The following LRBA variants were observed in gnomAD, a reference collection of about 807,000 sequenced individuals.
LRBA encodes the protein lipopolysaccharide-responsive and beige-like anchor protein.
In LRBA, 176 loss-of-function variants were observed where a neutral mutation model predicts 330.0. The ratio of observed to expected loss-of-function variants is 0.53; its 90% CI spans 0.47 to 0.60. LRBA has a LOEUF of 0.60. LRBA is among the 20% of genes least tolerant of loss of function. LRBA has a pLI of 0.00. For missense variants in LRBA, 3,259 were observed against 3,444.8 expected (o/e 0.95, Z 1.35); for synonymous variants, 1,230 against 1,193.0 (o/e 1.03, Z -0.64).
intron 36 of LRBA, among the ~76,000 whole-genome samples, chr4:150,722,825 C>T (rs1463119387): frequency 6.6e-6 from 1 of 152,024 alleles, no homozygotes; most frequent in Non-Finnish European, 1.5e-5. Flanking sequence ...GAGAGACAGA[C>T]TTGAATCACT....
intron 40 of LRBA, among the ~76,000 whole-genome samples, chr4:150,511,206 C>T (rs1365251608): frequency 6.6e-6 from 1 of 152,152 alleles, no homozygotes; most frequent in African/African-American, 2.4e-5. Context: ...TACCACCCCT[C>T]AACAGCTGTC....
At chr4:150,854,724 G>GA (rs1177055837) in intron 22 of LRBA, among the ~76,000 whole-genome samples, 1 of 152,260 alleles carries the variant, frequency 6.6e-6, no homozygotes, top group Non-Finnish European at 1.5e-5. Flanking sequence ...CATGTAAAAA[G>GA]AAAAGAGTTT....
intron 37 of LRBA, among the ~76,000 whole-genome samples, chr4:150,608,299 T>C (rs938114849): frequency 6.6e-6 from 1 of 152,178 alleles, no homozygotes; most frequent in African/African-American, 2.4e-5. Context: ...TGAGTGTTTA[T>C]TGTAAGCCTG....
intron 40 of LRBA, among the ~76,000 whole-genome samples, chr4:150,535,150 T>C (rs1764509932): frequency 6.6e-6 from 1 of 152,194 alleles, no homozygotes; most frequent in East Asian, 1.9e-4. Flanking sequence ...TTTTGTTTTT[T>C]AGAGATAGTG....
intron 48 of LRBA, among the ~76,000 whole-genome samples, chr4:150,335,526 A>ACG (rs1734598899): frequency 6.8e-6 from 1 of 146,532 alleles, no homozygotes; most frequent in African/African-American, 2.6e-5. Flanking sequence ...CGTATTATAT[A>ACG]TGTGTGTATA....
At chr4:150,861,052 T>C (rs1296054511) in intron 22 of LRBA, among the ~76,000 whole-genome samples, 1 of 152,158 alleles carries the variant, frequency 6.6e-6, no homozygotes, top group Non-Finnish European at 1.5e-5. Flanking sequence ...TGCAGACAAC[T>C]GTAACACAAT....
At chr4:150,590,254 C>T (rs1772640226) in intron 39 of LRBA, among the ~76,000 whole-genome samples, 1 of 151,740 alleles carries the variant, frequency 6.6e-6, no homozygotes, top group Admixed American at 6.6e-5. Context: ...TTGTGAAAAG[C>T]CATGGCATTC....
intron 40 of LRBA, among the ~76,000 whole-genome samples, chr4:150,500,890 A>G (rs1228140248): frequency 6.6e-6 from 1 of 152,228 alleles, no homozygotes; most frequent in African/African-American, 2.4e-5. Context: ...ATTTTTCCTA[A>G]TCAGAGGGAA....
At chr4:150,693,109 G>C (rs1052503787) in intron 36 of LRBA, among the ~76,000 whole-genome samples, 3 of 152,030 alleles carry the variant, frequency 2.0e-5, no homozygotes, top group African/African-American at 7.2e-5. Flanking sequence ...AGTAGAAAGA[G>C]GTAATGAACA....
intron 48 of LRBA, among the ~76,000 whole-genome samples, chr4:150,341,302 C>A (rs748294208): frequency 2.0e-5 from 3 of 152,098 alleles, no homozygotes; most frequent in Non-Finnish European, 4.4e-5. Flanking sequence ...GCTGGAACTA[C>A]AGGCGCATAC....
chr4:150,428,536 A>AGCAT (rs1204560083), intron 46 of LRBA, among the ~76,000 whole-genome samples: 2 of 152,078 alleles, frequency 1.3e-5, no homozygotes, highest in Non-Finnish European at 2.9e-5. Flanking sequence ...GGCTAGAATA[A>AGCAT]GCATACACTC....
chr4:150,729,236 C>T (rs557920180), intron 36 of LRBA, among the ~76,000 whole-genome samples: 22 of 152,082 alleles, frequency 1.4e-4, no homozygotes, highest in Non-Finnish European at 2.6e-4. Context: ...GCAGACTGAG[C>T]CCAGAAGCTC....
At chr4:150,280,357 C>T (rs929954289) in intron 55 of LRBA, among the ~76,000 whole-genome samples, 1 of 152,194 alleles carries the variant, frequency 6.6e-6, no homozygotes, top group Non-Finnish European at 1.5e-5. Flanking sequence ...GAGGTAGTAG[C>T]AGGCCACAGC....
intron 35 of LRBA, among the ~76,000 whole-genome samples, chr4:150,759,181 G>A (rs1734735332): frequency 6.6e-6 from 1 of 152,170 alleles, no homozygotes; most frequent in South Asian, 2.1e-4. Flanking sequence ...CTCCGAAAGT[G>A]CTGGGATTAC....
intron 37 of LRBA, among the ~76,000 whole-genome samples, chr4:150,681,040 TAA>T (rs1267774337): frequency 6.6e-6 from 1 of 152,194 alleles, no homozygotes; most frequent in Non-Finnish European, 1.5e-5. Context: ...ATGATTGAGT[TAA>T]AAGACAAAAT....
chr4:150,715,772 A>T (rs1728104961), intron 36 of LRBA, among the ~76,000 whole-genome samples: 1 of 152,228 alleles, frequency 6.6e-6, no homozygotes, highest in African/African-American at 2.4e-5. Flanking sequence ...AACAATTACT[A>T]ATAGAACCCA....
At chr4:150,745,718 G>A (rs1020583322) in intron 35 of LRBA, among the ~76,000 whole-genome samples, 1 of 152,032 alleles carries the variant, frequency 6.6e-6, no homozygotes. Context: ...ATTTCACTAT[G>A]TTGGCCAGGA....
chr4:150,989,627 T>A (rs745780864), intron 2 of LRBA, among the ~76,000 whole-genome samples: 3 of 151,876 alleles, frequency 2.0e-5, no homozygotes, highest in Non-Finnish European at 4.4e-5. Flanking sequence ...AAAAGAACTC[T>A]ATGAGATAGA....
At chr4:150,805,828 G>T (rs565683740) in intron 33 of LRBA, among the ~76,000 whole-genome samples, 1 of 151,972 alleles carries the variant, frequency 6.6e-6, no homozygotes, top group Admixed American at 6.6e-5. Flanking sequence ...AGAGACCCAG[G>T]AATCTATGAA....
Sources: allele counts gnomAD v4.1 joint callset (sites outside exome capture counted in the v4.1 genomes callset), GRCh38; gene constraint gnomAD v4.1.1; transcripts MANE v1.5; gene names NCBI Gene and HGNC (gene_info 2026-07-23, HGNC 2026-07-21).